The following CEBPZOS variants were observed in gnomAD, a reference collection of about 807,000 sequenced individuals.
CEBPZOS encodes protein CEBPZOS.
CEBPZOS carries 10 observed loss-of-function variants against 4.8 expected under a neutral mutation model. The observed-to-expected ratio is 2.07, with a 90% CI of 1.28 to 3.52. CEBPZOS has a LOEUF of 3.52. CEBPZOS is among the 30% of genes most tolerant of loss of function. The pLI is 0.00. For missense variants in CEBPZOS, 98 were observed against 43.6 expected (o/e 2.25, Z -3.51); for synonymous variants, 25 against 14.2 (o/e 1.77, Z -1.72).
At position 37,201,680 on chromosome 2, in the gene CEBPZOS, AT is replaced by A. The variant is rs750632398; in HGVS notation, c.200del (p.Ile67ThrfsTer4). The A allele has an allele frequency of 1.1e-5, 9 of 840,920 alleles. No homozygotes were observed. The South Asian group carries it at 1.2e-4, about 11-fold the overall frequency. 52.1% of individuals were successfully genotyped at this position (840,920 alleles called of 1,614,324 possible). On this transcript the variant is annotated frameshift_variant, in exon 4 of 5. Coordinates refer to ENST00000402297, the MANE Select transcript of CEBPZOS (RefSeq NM_001322374.2). LOFTEE classifies it high-confidence loss of function. ...CACTGAGAAGTCTGGAATGTATGGAATCAGAGAGCTAGATCAAAAAACATGG... is the reference window on the plus strand; with the variant it reads ...CACTGAGAAGTCTGGAATGTATGGAACAGAGAGCTAGATCAAAAAACATGG... Reference protein sequence around the residue: ...KSTEKSGMYGIRELDQKTWLN... With the variant: ...KSTEKSGMYGXRELDQKTWLN...
chr2:37,200,874 G>C (rs186836594), intron 2 of CEBPZOS, among the ~76,000 whole-genome samples, 174 bp from the exon 3 acceptor site: 1 of 152,206 alleles, frequency 6.6e-6, no homozygotes, highest in East Asian at 1.9e-4. Flanking sequence ...GAGAGATCCT[G>C]ACTCAAAAAA....
At chr2:37,211,669 C>T (rs2148348190) in intron 4 of CEBPZOS, 1 of 541,676 alleles carries the variant, frequency 1.8e-6, no homozygotes, top group South Asian at 3.2e-5. Flanking sequence ...ACATAACACA[C>T]AATAAAAACC....
chr2:37,201,970 T>G lies in CEBPZOS; in HGVS notation c.*110T>G. ...AGACTCTTGGTGGTCCCACAGAACA[T>G]GCTGCTGAGTCACAGGAACTTCTAG... On this transcript the variant is annotated 3_prime_UTR_variant, in exon 5 of 5. Coordinates refer to ENST00000402297, the MANE Select transcript of CEBPZOS (RefSeq NM_001322374.2). 1 of 1,473,666 alleles carries G rather than the reference T, an allele frequency of 6.8e-7. No individual in the cohort carries two copies. Among genetic ancestry groups the G allele is most frequent in the Non-Finnish European group, 9.2e-7 (1 of 1,084,742 alleles). The allele number at this position is 1,473,666 out of a possible 1,614,324, so 91.3% of individuals were successfully genotyped here.
chr2:37,206,604 C>T (rs917670164), downstream of CEBPZOS, among the ~76,000 whole-genome samples: 5 of 152,170 alleles, frequency 3.3e-5, no homozygotes, highest in South Asian at 4.1e-4. Context: ...GTGATGCCCG[C>T]CTGGGCCTCC....
chr2:37,214,631 T>A (rs1399882428), downstream of CEBPZOS, among the ~76,000 whole-genome samples: 1 of 152,190 alleles, frequency 6.6e-6, no homozygotes. Flanking sequence ...ATATTAAGAT[T>A]AGCAAAATGA....
At chr2:37,206,421 G>C (rs1677541676), downstream of CEBPZOS, among the ~76,000 whole-genome samples, 1 of 152,238 alleles carries the variant, frequency 6.6e-6, no homozygotes, top group Non-Finnish European at 1.5e-5. Context: ...GCAGTGGTGT[G>C]ATCTTGGCTC....
intron 2 of CEBPZOS, among the ~76,000 whole-genome samples, chr2:37,200,095 G>A (rs1319012897): frequency 1.3e-5 from 2 of 152,094 alleles, no homozygotes; most frequent in Non-Finnish European, 2.9e-5. Flanking sequence ...CCTTGGTCTG[G>A]CTTAGTTTGG....
chr2:37,211,042 C>T (rs768917155), intron 4 of CEBPZOS: 2 of 1,612,128 alleles, frequency 1.2e-6, no homozygotes, highest in South Asian at 2.2e-5. Flanking sequence ...TACCTTTTCT[C>T]TTGCTTTTCT....
intron 4 of CEBPZOS, chr2:37,210,951 C>G: frequency 1.5e-6 from 2 of 1,367,384 alleles, no homozygotes; most frequent in Non-Finnish European, 2.0e-6. Context: ...ATAATGACAC[C>G]TTTCACATGG....
chr2:37,210,854 A>C (rs1005479227), intron 4 of CEBPZOS: 1 of 493,622 alleles, frequency 2.0e-6, no homozygotes, highest in Non-Finnish European at 3.6e-6. Context: ...GTGGAAAATA[A>C]TTTCCACTTA....
chr2:37,206,293 T>C (rs968064261), downstream of CEBPZOS, among the ~76,000 whole-genome samples: 4 of 152,256 alleles, frequency 2.6e-5, no homozygotes, highest in Non-Finnish European at 5.9e-5. Flanking sequence ...GAGATATCTA[T>C]GCTGAGAATT....
chr2:37,202,029 CA>C lies in CEBPZOS; in HGVS notation c.*172del. On this transcript the variant is annotated 3_prime_UTR_variant, in exon 5 of 5. Coordinates refer to ENST00000402297, the MANE Select transcript of CEBPZOS (RefSeq NM_001322374.2). Reference sequence around the variant, plus strand: ...GGCCTGTGGTTTCCCACCCACTATACAAACCCACTGCTTGTTTGTTGCTTTT... The same window carrying C: ...GGCCTGTGGTTTCCCACCCACTATACAACCCACTGCTTGTTTGTTGCTTTT... 3.1e-6 allele frequency: 2 copies of C among 648,602 alleles called. No homozygotes were observed. The highest frequency in any genetic ancestry group is 6.2e-5 in the South Asian group (2 of 32,316). 40.2% of individuals were successfully genotyped at this position (648,602 alleles called of 1,614,324 possible).
At chr2:37,213,358 G>T (rs1416285980) in intron 4 of CEBPZOS, 2 of 152,966 alleles carry the variant, frequency 1.3e-5, no homozygotes, top group African/African-American at 4.8e-5. Context: ...CACAAATCAT[G>T]TATTTTTCTG....
At chr2:37,197,743 A>T (rs1379570854) in intron 1 of CEBPZOS, among the ~76,000 whole-genome samples, 2 of 152,154 alleles carry the variant, frequency 1.3e-5, no homozygotes, top group African/African-American at 4.8e-5. Context: ...GCACACGCCT[A>T]TAATCCCAGC....
downstream of CEBPZOS, chr2:37,213,752 A>C: frequency 1.5e-6 from 1 of 683,652 alleles, no homozygotes; most frequent in Non-Finnish European, 2.4e-6. Context: ...TTTGCATGAT[A>C]TTCTTAGCTA....
At position 37,202,814 on chromosome 2, in the gene CEBPZOS, T is replaced by A. The variant is rs746619114; in HGVS notation, c.*954T>A. On this transcript the variant is annotated 3_prime_UTR_variant, in exon 5 of 5. Coordinates refer to ENST00000402297, the MANE Select transcript of CEBPZOS (RefSeq NM_001322374.2). ...TTATCTTTGTTAGCCATGGCATTCA[T>A]GCCAATGTTATCAAACTTGGATCCC... The A allele has an allele frequency of 2.5e-6, 4 of 1,598,630 alleles. No homozygotes were observed. The African/African-American group carries it at 5.4e-5, about 22-fold the overall frequency.
At position 37,211,388 on chromosome 2, in the gene CEBPZOS, T is replaced by C. The variant is rs144435889; in HGVS notation, c.*3-2049T>C. 163 of 255,532 alleles carry C rather than the reference T, an allele frequency of 6.4e-4. 2 individuals carry two copies. In the East Asian group the frequency reaches 8.2e-3, roughly 13 times the overall value. The allele number at this position is 255,532 out of a possible 1,614,324, so 15.8% of individuals were successfully genotyped here. On this transcript the variant is annotated intron_variant, in intron 4 of 4. Transcript: ENST00000397064. ...TGGTTCAGAATAAGTAAGAAGAATG[T>C]TGGGCAGGCATGTGCATGCTGGAGG...
intron 1 of CEBPZOS, chr2:37,197,457 C>T (rs946829947): frequency 2.6e-5 from 4 of 152,298 alleles, no homozygotes; most frequent in Admixed American, 6.5e-5. Flanking sequence ...TCTTTTAACC[C>T]TGGCCTACAG....
At chr2:37,216,191 C>T, downstream of CEBPZOS, 3 of 1,613,186 alleles carry the variant, frequency 1.9e-6, no homozygotes, top group Non-Finnish European at 2.5e-6. Flanking sequence ...GGCTGCATCA[C>T]AACACTATCT....
Sources: allele counts gnomAD v4.1 joint callset (sites outside exome capture counted in the v4.1 genomes callset), GRCh38; gene constraint gnomAD v4.1.1; transcripts MANE v1.5; gene names NCBI Gene and HGNC (gene_info 2026-07-23, HGNC 2026-07-21).